The following CPLX2 variants were observed in gnomAD, a reference collection of about 807,000 sequenced individuals.
The protein encoded by CPLX2 is complexin-2.
CPLX2 carries 5 observed loss-of-function variants against 16.3 expected under a neutral mutation model. The observed-to-expected ratio is 0.31, with a 90% CI of 0.16 to 0.64. The LOEUF (loss-of-function observed/expected upper bound fraction) is 0.64, where lower values mean the gene tolerates loss of function less well. CPLX2 is among the 30% of genes least tolerant of loss of function. The probability of loss-of-function intolerance (pLI) is 0.79; values close to 1 mark genes in which losing one functional copy is unlikely to be tolerated. For synonymous variants in CPLX2, 89 were observed against 73.2 expected, an observed-to-expected ratio of 1.22 and a Z score of -1.10; for missense variants, 144 against 181.4, an observed-to-expected ratio of 0.79 and a Z score of 1.18.
intron 2 of CPLX2, among the ~76,000 whole-genome samples, chr5:175,811,190 G>C (rs1418054756): frequency 6.6e-6 from 1 of 152,250 alleles, no homozygotes; most frequent in Non-Finnish European, 1.5e-5. Context: ...ATATAAACCA[G>C]ATCTTAAAGC....
At chr5:175,803,117 C>T (rs184624547) in intron 1 of CPLX2, among the ~76,000 whole-genome samples, 21 of 152,302 alleles carry the variant, frequency 1.4e-4, no homozygotes, top group African/African-American at 4.1e-4. Flanking sequence ...GCATGAGCCA[C>T]CCAGAGTGCT....
At position 175,880,023 on chromosome 5, in the gene CPLX2, TGCAGGA is replaced by T; in HGVS notation, c.384_389del (p.Gln129_Asp130del). ...GTGCTCAAATACCTGCCCGGGCCGC[TGCAGGA>T]CATGTTCAAGAAGTAACCAGGCCTC... On this transcript the variant is annotated inframe_deletion, in exon 4 of 4. Coordinates refer to ENST00000393745, the MANE Select transcript of CPLX2 (RefSeq NM_001008220.2). 1 of 1,613,378 alleles carries T rather than the reference TGCAGGA, an allele frequency of 6.2e-7. No individual in the cohort carries two copies. Among genetic ancestry groups the T allele is most frequent in the Non-Finnish European group, 8.5e-7 (1 of 1,179,704 alleles).
intron 2 of CPLX2, among the ~76,000 whole-genome samples, chr5:175,820,111 G>A (rs961570929): frequency 6.6e-6 from 1 of 152,208 alleles, no homozygotes; most frequent in African/African-American, 2.4e-5. Context: ...TGTGCAGGGA[G>A]CCAATTTGGT....
At chr5:175,839,828 C>T (rs1758915060) in intron 2 of CPLX2, among the ~76,000 whole-genome samples, 1 of 152,218 alleles carries the variant, frequency 6.6e-6, no homozygotes, top group South Asian at 2.1e-4. Context: ...TGTAACTTGA[C>T]ACAATGACAC....
chr5:175,868,307 A>C (rs1759515228), upstream of CPLX2, among the ~76,000 whole-genome samples: 1 of 152,204 alleles, frequency 6.6e-6, no homozygotes, highest in Non-Finnish European at 1.5e-5. Flanking sequence ...CACCACGTTT[A>C]TGGTCTGTGA....
At chr5:175,874,160 G>A (rs1321411672) in intron 1 of CPLX2, among the ~76,000 whole-genome samples, 1 of 152,192 alleles carries the variant, frequency 6.6e-6, no homozygotes, top group African/African-American at 2.4e-5. Context: ...TTAATTGGAT[G>A]GCCACGTGGA....
At chr5:175,848,059 T>C (rs1383154255) in intron 2 of CPLX2, among the ~76,000 whole-genome samples, 1 of 152,250 alleles carries the variant, frequency 6.6e-6, no homozygotes, top group Non-Finnish European at 1.5e-5. Context: ...GACACAGCCC[T>C]GCCTCAACAG....
chr5:175,863,244 T>C (rs1759405243), intron 2 of CPLX2, among the ~76,000 whole-genome samples: 2 of 152,222 alleles, frequency 1.3e-5, no homozygotes, highest in Non-Finnish European at 2.9e-5. Context: ...GATCAGCCCA[T>C]GGTGAGGTCG....
rs1016031594 is a variant in CPLX2, at chr5:175,881,296, G to T, written c.*1251G>T. On this transcript the variant is annotated 3_prime_UTR_variant, in exon 4 of 4. Coordinates refer to ENST00000393745, the MANE Select transcript of CPLX2 (RefSeq NM_001008220.2). The stretch of plus-strand genomic sequence containing the variant: ...TGGAGCGTGTGTGTGTCTTGAGATT[G>T]TGTGTGTTGCAGTCATCATATCTAT... 6.8e-6 allele frequency: 1 copy of T among 147,476 alleles called. No individual in the cohort carries two copies. Among genetic ancestry groups the T allele is most frequent in the Non-Finnish European group, 1.5e-5 (1 of 68,196 alleles). 9.1% of individuals were successfully genotyped at this position (147,476 alleles called of 1,614,324 possible).
chr5:175,799,928 C>CA (rs1758061559), intron 1 of CPLX2, among the ~76,000 whole-genome samples: 1 of 152,056 alleles, frequency 6.6e-6, no homozygotes, highest in South Asian at 2.1e-4. Context: ...TTCTCATGAG[C>CA]AAAAGGCTGC....
upstream of CPLX2, among the ~76,000 whole-genome samples, chr5:175,870,562 T>C (rs1436547515): frequency 1.3e-5 from 2 of 152,032 alleles, no homozygotes; most frequent in East Asian, 3.9e-4. Context: ...GCTGGAGTAA[T>C]TGGGAGCCGA....
intron 2 of CPLX2, among the ~76,000 whole-genome samples, chr5:175,853,693 T>C (rs563366796): frequency 2.2e-4 from 34 of 152,286 alleles, no homozygotes; most frequent in African/African-American, 7.7e-4. Flanking sequence ...CCTTCTCTCA[T>C]GGACATCCAA....
chr5:175,854,962 C>CA (rs1181252833), intron 2 of CPLX2, among the ~76,000 whole-genome samples: 1 of 152,226 alleles, frequency 6.6e-6, no homozygotes, highest in African/African-American at 2.4e-5. Context: ...GGGGGACTCC[C>CA]ACCCAGCAGA....
chr5:175,810,056 T>G (rs1469553860), intron 2 of CPLX2, among the ~76,000 whole-genome samples: 2 of 152,152 alleles, frequency 1.3e-5, no homozygotes, highest in Non-Finnish European at 2.9e-5. Flanking sequence ...ACCTCATGGC[T>G]CTCTGCCTTG....
intron 1 of CPLX2, among the ~76,000 whole-genome samples, chr5:175,806,918 C>T (rs1758216500): frequency 6.6e-6 from 1 of 152,168 alleles, no homozygotes; most frequent in Admixed American, 6.5e-5. Flanking sequence ...TCTGGGCCTC[C>T]GTGCCATCCT....
intron 2 of CPLX2, among the ~76,000 whole-genome samples, chr5:175,810,026 T>C (rs1159927040): frequency 1.3e-5 from 2 of 152,194 alleles, no homozygotes; most frequent in African/African-American, 4.8e-5. Flanking sequence ...CAGGCTGGGC[T>C]CCGAGCCCCA....
At chr5:175,808,367 G>A (rs1415491588) in intron 1 of CPLX2, among the ~76,000 whole-genome samples, 1 of 152,018 alleles carries the variant, frequency 6.6e-6, no homozygotes, top group East Asian at 1.9e-4. Context: ...GCAGAGCTCT[G>A]GAAACAAAGT....
chr5:175,879,119 C>A, intron 3 of CPLX2, 36 bp downstream of exon 3: 1 of 1,539,428 alleles, frequency 6.5e-7, no homozygotes, highest in Non-Finnish European at 8.8e-7. Context: ...TGGGGAGGGC[C>A]ACAAGCGGGT....
rs189402964 is a variant in CPLX2 at position 175,845,309 on chromosome 5, G to A, written c.-88-33343G>A. On this transcript the variant is annotated intron_variant, in intron 2 of 4. Transcript: ENST00000359546. This position sits in a 1 kb window ranked among gnomAD's most constrained non-coding sequence, Gnocchi z 4.0. ...AAACCCACAGCCCACTCTGGGACCC[G>A]CAAGGCCCCACATCACCTGGCTCCT... Among the ~76,000 whole-genome samples the A allele has an allele frequency of 5.3e-5, 8 of 152,282 alleles. No individual in the cohort carries two copies. The highest frequency in any genetic ancestry group is 2.6e-4 in the Admixed American group (4 of 15,298).
Sources: gnomAD v4.1 joint callset for allele counts (sites outside exome capture counted in the v4.1 genomes callset) on GRCh38, gnomAD v4.1.1 for gene constraint, Gnocchi (gnomAD v3.1) non-coding constraint, MANE v1.5 for transcripts, NCBI Gene and HGNC (gene_info 2026-07-23, HGNC 2026-07-21) for gene names.